The following FTO variants were observed in gnomAD, a reference collection of about 807,000 sequenced individuals.
The protein encoded by FTO is alpha-ketoglutarate-dependent dioxygenase FTO.
Under a neutral mutation model 63.9 loss-of-function variants are expected in FTO, and 47 were observed. That is an observed-to-expected ratio of 0.74 (90% CI 0.58 to 0.94). FTO has a LOEUF of 0.94. FTO is among the 40% of genes least tolerant of loss of function. The pLI, the probability that FTO is intolerant of heterozygous loss-of-function variation, is 0.00. For synonymous variants in FTO, 207 were observed against 224.4 expected (o/e 0.92, Z 0.69); for missense variants, 562 against 618.1 (o/e 0.91, Z 0.96).
intron 1 of FTO, among the ~76,000 whole-genome samples, chr16:53,783,508 T>A (rs1176005285): frequency 7.0e-6 from 1 of 142,156 alleles, no homozygotes; most frequent in Non-Finnish European, 1.5e-5. Flanking sequence ...CTCGAGAGGC[T>A]GAGGCAAGAG....
intron 2 of FTO, among the ~76,000 whole-genome samples, chr16:53,814,135 C>A (rs983423254): frequency 2.0e-5 from 3 of 152,156 alleles, no homozygotes; most frequent in African/African-American, 7.2e-5. Context: ...TTCAAAACAC[C>A]TTCAGAGAAG....
At chr16:53,996,533 A>G (rs2083934997) in intron 8 of FTO, among the ~76,000 whole-genome samples, 1 of 152,202 alleles carries the variant, frequency 6.6e-6, no homozygotes, top group African/African-American at 2.4e-5. Flanking sequence ...TCCTTAAGGA[A>G]CTTGGAGCCT....
At chr16:54,100,934 T>C (rs2086627940) in intron 8 of FTO, among the ~76,000 whole-genome samples, 1 of 152,132 alleles carries the variant, frequency 6.6e-6, no homozygotes, top group Non-Finnish European at 1.5e-5. Context: ...TCTGGACCCC[T>C]GAAGAAAGCG....
chr16:54,049,936 T>C (rs1464956310), intron 8 of FTO, among the ~76,000 whole-genome samples: 1 of 152,204 alleles, frequency 6.6e-6, no homozygotes, highest in African/African-American at 2.4e-5. Flanking sequence ...CTGGCCATCA[T>C]GAGAGATATT....
At chr16:53,765,030 T>C (rs2077166632) in intron 1 of FTO, among the ~76,000 whole-genome samples, 1 of 152,132 alleles carries the variant, frequency 6.6e-6, no homozygotes, top group Non-Finnish European at 1.5e-5. Context: ...TGTCTGTTGT[T>C]AAATTCTACC....
At chr16:54,025,737 G>A (rs1284674367) in intron 8 of FTO, among the ~76,000 whole-genome samples, 1 of 152,084 alleles carries the variant, frequency 6.6e-6, no homozygotes, top group Non-Finnish European at 1.5e-5. Context: ...AGGTGGCTGG[G>A]CGCGGTGGCT....
intron 1 of FTO, among the ~76,000 whole-genome samples, chr16:53,782,737 G>A (rs2077620055): frequency 6.6e-6 from 1 of 152,236 alleles, no homozygotes; most frequent in Non-Finnish European, 1.5e-5. Flanking sequence ...ACTCACTTGT[G>A]TGTGTCTGAA....
chr16:54,004,769 A>G (rs1401410682), intron 8 of FTO, among the ~76,000 whole-genome samples: 1 of 152,146 alleles, frequency 6.6e-6, no homozygotes, highest in African/African-American at 2.4e-5. Flanking sequence ...TAGCTTGATG[A>G]AGTAGAAATT....
intron 8 of FTO, chr16:53,984,932 T>C: frequency 2.2e-6 from 1 of 456,676 alleles, no homozygotes; most frequent in Non-Finnish European, 4.4e-6. Context: ...TGTGTTTGTT[T>C]TTCAGGGCAG....
chr16:53,754,031 T>C (rs572080571), intron 1 of FTO, among the ~76,000 whole-genome samples: 124 of 152,352 alleles, frequency 8.1e-4, no homozygotes, highest in African/African-American at 2.7e-3. Flanking sequence ...GAACGGGGTT[T>C]GGAGGTGTTC....
At chr16:54,064,598 T>G (rs2144407936) in intron 8 of FTO, among the ~76,000 whole-genome samples, 1 of 152,326 alleles carries the variant, frequency 6.6e-6, no homozygotes, top group African/African-American at 2.4e-5. Context: ...GGGCTAATAC[T>G]TTCAGTCTGA....
chr16:54,041,975 T>C (rs1052228217), intron 8 of FTO, among the ~76,000 whole-genome samples: 1 of 152,236 alleles, frequency 6.6e-6, no homozygotes, highest in South Asian at 2.1e-4. Flanking sequence ...CTGGGATGTT[T>C]CTGAGAGCTT....
At position 53,852,101 on chromosome 16, in the gene FTO, CA is replaced by C. The variant is rs57004473; in HGVS notation, c.895+7822del. Reference sequence around the variant, plus strand: ...CAAAACTCTGTCTCTACAAAAAATACAAAAAAAAAAAAAAAAAAAGCCAGGT... The same window carrying C: ...CAAAACTCTGTCTCTACAAAAAATACAAAAAAAAAAAAAAAAAAGCCAGGT... On this transcript the variant is annotated intron_variant, in intron 4 of 8. Transcript: ENST00000471389. Among the ~76,000 whole-genome samples, 154 of 54,444 alleles carry C rather than the reference CA, an allele frequency of 2.8e-3. 1 individual carries two copies. The highest frequency in any genetic ancestry group is 5.4e-3 in the African/African-American group (91 of 16,922). 35.7% of individuals were successfully genotyped at this position (54,444 alleles called of 152,430 possible). A position where few individuals can be genotyped will look rare whatever the true frequency, so the allele number is the denominator to read the frequency against.
At chr16:53,974,114 A>T (rs762728539) in intron 8 of FTO, among the ~76,000 whole-genome samples, 2 of 152,154 alleles carry the variant, frequency 1.3e-5, no homozygotes, top group Non-Finnish European at 2.9e-5. Flanking sequence ...TGGGCTTCTT[A>T]ATTTGAGTCT....
intron 8 of FTO, among the ~76,000 whole-genome samples, chr16:53,995,957 T>C (rs1234394158): frequency 6.6e-6 from 1 of 152,168 alleles, no homozygotes; most frequent in Non-Finnish European, 1.5e-5. Context: ...TTCTTCCTGG[T>C]AAAAAGACAG....
intron 3 of FTO, among the ~76,000 whole-genome samples, chr16:53,843,282 C>T (rs934297183): frequency 2.6e-5 from 4 of 152,194 alleles, no homozygotes; most frequent in East Asian, 1.9e-4. Context: ...AGAGCTTATG[C>T]GTTTGTAATT....
intron 7 of FTO, chr16:53,911,606 C>A (rs1380008505): frequency 2.3e-5 from 15 of 641,794 alleles, no homozygotes; most frequent in Non-Finnish European, 4.0e-5. Context: ...ACAGGTCAAC[C>A]TGGAGGTTCC....
chr16:53,907,207 T>C (rs1037408562), intron 7 of FTO, among the ~76,000 whole-genome samples: 21 of 152,204 alleles, frequency 1.4e-4, no homozygotes, highest in Non-Finnish European at 8.8e-5. Context: ...AAGTTGAAAT[T>C]GCATTCAATA....
intron 8 of FTO, among the ~76,000 whole-genome samples, chr16:53,975,889 G>A (rs1190476733): frequency 1.3e-5 from 2 of 152,222 alleles, no homozygotes; most frequent in South Asian, 2.1e-4. Flanking sequence ...AACCCTATGA[G>A]TAGGTGCTAT....
Sources: gnomAD v4.1 joint callset for allele counts (sites outside exome capture counted in the v4.1 genomes callset) on GRCh38, gnomAD v4.1.1 for gene constraint, MANE v1.5 for transcripts, NCBI Gene and HGNC (gene_info 2026-07-23, HGNC 2026-07-21) for gene names.